WDFY4: variants seen among roughly 807,000 people sequenced by gnomAD.
The protein encoded by WDFY4 is WDFY family member 4, also known as WD repeat- and FYVE domain-containing protein 4.
Under a neutral mutation model 351.9 loss-of-function variants are expected in WDFY4, and 169 were observed. That is an observed-to-expected ratio of 0.48 (90% CI 0.42 to 0.55). WDFY4 has a LOEUF of 0.55. WDFY4 is among the 20% of genes least tolerant of loss of function. WDFY4 has a pLI of 0.00. For synonymous variants in WDFY4, 1,622 were observed against 1,574.6 expected (o/e 1.03, Z -0.71); for missense variants, 3,803 against 3,935.6 (o/e 0.97, Z 0.90).
chr10:48,818,868 G>A (rs746636544), intron 32 of WDFY4, among the ~76,000 whole-genome samples: 4 of 152,220 alleles, frequency 2.6e-5, no homozygotes, highest in Non-Finnish European at 5.9e-5. Flanking sequence ...AGGTGGGATA[G>A]GACCCACAGC....
intron 19 of WDFY4, among the ~76,000 whole-genome samples, chr10:48,783,842 A>C (rs115267386): frequency 1.3e-5 from 2 of 152,236 alleles, no homozygotes; most frequent in South Asian, 4.1e-4. Context: ...ACAGTGGTGA[A>C]TATTTGTGTA....
At chr10:48,805,912 C>A in intron 26 of WDFY4, 92 bp from the exon 27 acceptor site, 5 of 1,011,018 alleles carry the variant, frequency 4.9e-6, no homozygotes, top group Non-Finnish European at 7.6e-6. Flanking sequence ...TGCAGCTGCA[C>A]GTGGGTGGGT....
At chr10:48,723,093 G>A (rs1053806234) in intron 4 of WDFY4, among the ~76,000 whole-genome samples, 2 of 152,116 alleles carry the variant, frequency 1.3e-5, no homozygotes, top group Middle Eastern at 3.4e-3. Context: ...GATTTGTTAG[G>A]AAGCCCTTAT....
At chr10:48,958,723 G>C (rs922148877) in intron 52 of WDFY4, among the ~76,000 whole-genome samples, 1 of 152,186 alleles carries the variant, frequency 6.6e-6, no homozygotes, top group African/African-American at 2.4e-5. Flanking sequence ...TTTCTATACT[G>C]TAAGTGAAAC....
At chr10:48,972,506 C>T (rs1452917584) in intron 57 of WDFY4, among the ~76,000 whole-genome samples, 1 of 152,234 alleles carries the variant, frequency 6.6e-6, no homozygotes, top group East Asian at 1.9e-4. Flanking sequence ...CTATAATTTA[C>T]ATTTCAATCG....
chr10:48,905,453 T>C (rs895231333), intron 47 of WDFY4, among the ~76,000 whole-genome samples: 1 of 152,248 alleles, frequency 6.6e-6, no homozygotes, highest in Non-Finnish European at 1.5e-5. Context: ...ACCTTGCTTC[T>C]GTGGTACAGT....
chr10:48,970,331 A>G, intron 57 of WDFY4, 42 bp downstream of exon 57: 2 of 1,539,694 alleles, frequency 1.3e-6, no homozygotes, highest in South Asian at 2.4e-5. Context: ...AGGTGGGGAC[A>G]GTACTTCATG....
chr10:48,823,293 G>A (rs2067889591), intron 35 of WDFY4: 2 of 1,288,742 alleles, frequency 1.6e-6, no homozygotes, highest in Middle Eastern at 2.1e-4. Context: ...TCCCACCCAG[G>A]GGGATGTCTG....
chr10:48,693,356 C>T (rs544078339), intron 1 of WDFY4, among the ~76,000 whole-genome samples: 62 of 152,308 alleles, frequency 4.1e-4, no homozygotes, highest in African/African-American at 1.4e-3. Context: ...GTGCCGGGCC[C>T]ACTCTGGCCT....
At chr10:48,901,975 C>T in intron 47 of WDFY4, 112 bp downstream of exon 47, 1 of 956,032 alleles carries the variant, frequency 1.0e-6, no homozygotes. Context: ...CCAACAGTTT[C>T]CCTCATTTTT....
chr10:48,856,360 A>G (rs1229336056), intron 39 of WDFY4, among the ~76,000 whole-genome samples: 3 of 152,182 alleles, frequency 2.0e-5, no homozygotes, highest in Non-Finnish European at 4.4e-5. Flanking sequence ...ACTACCTGTC[A>G]GATTGATAAG....
intron 21 of WDFY4, 105 bp downstream of exon 21, chr10:48,788,780 A>ATCCATCTACACAAGT: frequency 3.6e-6 from 5 of 1,396,136 alleles, no homozygotes; most frequent in Non-Finnish European, 3.8e-6. Flanking sequence ...GCACTTGTGT[A>ATCCATCTACACAAGT]GATGGATACA....
chr10:48,686,976 AC>A lies in WDFY4; in HGVS notation c.-18+1979del, dbSNP rs1309641790. On this transcript the variant is annotated intron_variant, in intron 1 of 61. Coordinates refer to ENST00000325239, the MANE Select transcript of WDFY4 (RefSeq NM_001394531.1). ...CCAAAGTTTTTGCCTCATTTTACCC[AC>A]CCCTCAGCAATGCACCAAAGTTTCT... is the stretch of plus-strand genomic sequence containing the variant. 2.0e-5 allele frequency among the ~76,000 whole-genome samples: 3 copies of A among 151,928 alleles called. No homozygotes were observed. The East Asian group carries it at 5.8e-4, about 29-fold the overall frequency.
chr10:48,759,788 G>T (rs1472376377), intron 12 of WDFY4, among the ~76,000 whole-genome samples: 3 of 152,196 alleles, frequency 2.0e-5, no homozygotes, highest in African/African-American at 7.2e-5. Flanking sequence ...ATGCTGCAGA[G>T]GGGAAGCCCA....
chr10:48,823,641 A>C, intron 35 of WDFY4: 1 of 1,006,866 alleles, frequency 9.9e-7, no homozygotes, highest in Non-Finnish European at 1.2e-6. Context: ...TTAAAATCAG[A>C]TTCCTGGCAA....
In WDFY4 at chr10:48,735,891, G is replaced by A. The variant is rs992226078; in HGVS notation, c.1699G>A (p.Asp567Asn). Residue 567 changes from aspartate (D) to asparagine (N), a missense_variant, in exon 11 of 62, where the codon GAC becomes AAC. By Grantham distance (23) the Asp-to-Asn change is conservative (BLOSUM62 1). Around this residue, in one of 3 missense-constraint regions of WDFY4, gnomAD observed 261 missense variants for 330.2 expected, o/e 0.79. Transcript: ENST00000325239. ...TGTCTGATCCTTAGTTGTCCTGAAG[G>A]ACCACGGCATGGTGCCCTTCATCAA... ...GSVRNAVVLK[D>N]HGMVPFIKIF... The A allele has an allele frequency of 5.8e-6, 9 of 1,551,432 alleles. No homozygotes were observed. Among genetic ancestry groups the A allele is most frequent in the African/African-American group, 1.4e-5 (1 of 73,034 alleles).
At chr10:48,925,544 A>G (rs1839499905) in intron 47 of WDFY4, among the ~76,000 whole-genome samples, 1 of 152,234 alleles carries the variant, frequency 6.6e-6, no homozygotes, top group Non-Finnish European at 1.5e-5. Flanking sequence ...CCTTGGGGGT[A>G]TAAACATAAA....
In WDFY4 at chr10:48,812,015, C is replaced by G. The variant is rs2067463891; in HGVS notation, c.5214+307C>G. On this transcript the variant is annotated intron_variant, in intron 30 of 61. Coordinates refer to ENST00000325239, the MANE Select transcript of WDFY4 (RefSeq NM_001394531.1). ...GGGGAATGACATGATGCTGGGGTGG[C>G]CCTGCCCCAGCACCCCAGCCCCTCA... 2.0e-5 allele frequency among the ~76,000 whole-genome samples: 3 copies of G among 152,100 alleles called. No homozygotes were observed. The South Asian group carries it at 6.2e-4, about 32-fold the overall frequency.
At position 48,731,581 on chromosome 10, in the gene WDFY4, G is replaced by A. The variant is rs1370456716; in HGVS notation, c.1582+19G>A. 6.5e-7 allele frequency: 1 copy of A among 1,543,472 alleles called. No individual in the cohort carries two copies. The highest frequency in any genetic ancestry group is 8.7e-7 in the Non-Finnish European group (1 of 1,144,312). On this transcript the variant is annotated intron_variant, in intron 9 of 61. Transcript: ENST00000325239. ...AAGTCAGGTGCCACTGGGTGCATTG[G>A]GAGGGATGGGCAGGGGTCAGTGTCA... is the stretch of plus-strand genomic sequence containing the variant.
Sources: gnomAD v4.1 joint callset for allele counts (sites outside exome capture counted in the v4.1 genomes callset) on GRCh38, gnomAD v4.1.1 for gene constraint, gnomAD v4.1.1 regional missense constraint, MANE v1.5 for transcripts, NCBI Gene and HGNC (gene_info 2026-07-23, HGNC 2026-07-21) for gene names.